Variants in AIM2 observed in about 807,000 individuals in gnomAD.
AIM2 encodes the protein absent in melanoma 2, also known as interferon-inducible protein AIM2.
AIM2 carries 30 observed loss-of-function variants against 27.7 expected under a neutral mutation model. The ratio of observed to expected loss-of-function variants is 1.08; its 90% confidence interval spans 0.81 to 1.47. The LOEUF (loss-of-function observed/expected upper bound fraction) is 1.47. AIM2 is among the 40% of genes most tolerant of loss of function. The pLI, the probability that AIM2 is intolerant of heterozygous loss-of-function variation, is 0.00. For missense variants in AIM2, 358 were observed against 411.3 expected (o/e 0.87, Z 1.12); for synonymous variants, 141 against 145.3 (o/e 0.97, Z 0.21).
At chr1:159,060,349 T>TA (rs905468994), downstream of AIM2, among the ~76,000 whole-genome samples, 71 of 151,664 alleles carry the variant, frequency 4.7e-4, no homozygotes, top group African/African-American at 1.5e-3. Flanking sequence ...TCCAGAGAAA[T>TA]AAAAAAAAAT....
chr1:159,127,572 C>A lies in AIM2; in HGVS notation c.-16+12859G>T, dbSNP rs554411508. Among the ~76,000 whole-genome samples, 5 of 152,356 alleles carry A rather than the reference C, an allele frequency of 3.3e-5. No individual in the cohort carries two copies. In the South Asian group the frequency reaches 8.3e-4, roughly 25 times the overall value. On this transcript the variant is annotated intron_variant, in intron 1 of 2. Transcript: ENST00000368129. ...AGCAAGAAAGAATACCTTGGTGAAG[C>A]TGATCAGAAATGTAATCTATGACGC...
intron 1 of AIM2, among the ~76,000 whole-genome samples, chr1:159,099,699 C>T (rs1366449229): frequency 6.6e-6 from 1 of 151,900 alleles, no homozygotes; most frequent in Non-Finnish European, 1.5e-5. Flanking sequence ...TAGAGAATGC[C>T]CTACAGCTCT....
At chr1:159,087,523 T>G (rs1656945393) in intron 1 of AIM2, among the ~76,000 whole-genome samples, 1 of 152,070 alleles carries the variant, frequency 6.6e-6, no homozygotes, top group Non-Finnish European at 1.5e-5. Flanking sequence ...TGATGCCATC[T>G]GTGTGTTATA....
chr1:159,119,788 G>A (rs1647481768), intron 1 of AIM2, among the ~76,000 whole-genome samples: 1 of 152,008 alleles, frequency 6.6e-6, no homozygotes, highest in Non-Finnish European at 1.5e-5. Context: ...GTGTGTGTGT[G>A]CATGTGTTTG....
At chr1:159,086,473 C>T (rs1656914001) in intron 1 of AIM2, among the ~76,000 whole-genome samples, 1 of 152,226 alleles carries the variant, frequency 6.6e-6, no homozygotes, top group Non-Finnish European at 1.5e-5. Context: ...CACTAGGCTC[C>T]AGGTGAATCT....
the AIM2 span, among the ~76,000 whole-genome samples, chr1:159,056,852 A>T: frequency 6.6e-5 from 10 of 151,532 alleles, no homozygotes; most frequent in African/African-American, 2.4e-4. Context: ...TGGAGGATGC[A>T]TCTGACGGGA....
intron 1 of AIM2, among the ~76,000 whole-genome samples, chr1:159,103,101 G>T (rs1657350830): frequency 1.3e-5 from 2 of 152,136 alleles, no homozygotes; most frequent in African/African-American, 4.8e-5. Context: ...TTGGATCATG[G>T]GAGTTGTTTC....
intron 1 of AIM2, among the ~76,000 whole-genome samples, chr1:159,091,334 C>T (rs548120556): frequency 6.6e-6 from 1 of 152,320 alleles, no homozygotes; most frequent in East Asian, 1.9e-4. Flanking sequence ...ATTACAACCA[C>T]TGAAAAAATG....
chr1:159,144,319 C>T (rs903213698), upstream of AIM2, among the ~76,000 whole-genome samples: 3 of 152,130 alleles, frequency 2.0e-5, no homozygotes, highest in South Asian at 2.1e-4. Flanking sequence ...TAATGTATAT[C>T]AACAAAAGTA....
At chr1:159,065,204 T>C (rs1342210848) in intron 4 of AIM2, among the ~76,000 whole-genome samples, 2 of 152,148 alleles carry the variant, frequency 1.3e-5, no homozygotes, top group Non-Finnish European at 2.9e-5. Context: ...ACAAGGCTAG[T>C]TCCCTGAGGC....
chr1:159,105,249 C>T (rs572807937), intron 1 of AIM2, among the ~76,000 whole-genome samples: 12 of 152,224 alleles, frequency 7.9e-5, no homozygotes, highest in African/African-American at 2.2e-4. Flanking sequence ...CTGGACCAGA[C>T]GTACTGCAAC....
At chr1:159,056,731 A>AAAC in the AIM2 span, among the ~76,000 whole-genome samples, 6 of 143,274 alleles carry the variant, frequency 4.2e-5, 1 homozygote, top group Admixed American at 1.4e-4. Context: ...AAAAAAAAAA[A>AAAC]AAAAAAAAAA....
intron 1 of AIM2, among the ~76,000 whole-genome samples, chr1:159,093,045 A>AAAT (rs1014382413): frequency 1.1e-3 from 158 of 150,236 alleles, no homozygotes; most frequent in African/African-American, 3.7e-3. Context: ...AAATAAAAAT[A>AAAT]AATAAATAAA....
At chr1:159,099,798 T>A (rs1026210553) in intron 1 of AIM2, among the ~76,000 whole-genome samples, 1 of 152,180 alleles carries the variant, frequency 6.6e-6, no homozygotes, top group Non-Finnish European at 1.5e-5. Flanking sequence ...AAGATCAGTC[T>A]AAGACAACGG....
intron 1 of AIM2, among the ~76,000 whole-genome samples, chr1:159,075,174 G>A (rs2101990342): frequency 6.6e-6 from 1 of 152,212 alleles, no homozygotes; most frequent in East Asian, 1.9e-4. Context: ...AATCAAAGTG[G>A]CATTAAAAAT....
chr1:159,063,631 T>C lies in AIM2; in HGVS notation c.860A>G (p.Asn287Ser). 3 of 1,614,120 alleles carry C rather than the reference T, an allele frequency of 1.9e-6. No homozygotes were observed. Among genetic ancestry groups the C allele is most frequent in the Non-Finnish European group, 2.5e-6 (3 of 1,179,990 alleles). Reference sequence around the variant, plus strand: ...CCCCAGTACTTCCATTTTCCCAGTGTTGTCACTTAGGTCAAATAATATGTT... The same window carrying C: ...CCCCAGTACTTCCATTTTCCCAGTGCTGTCACTTAGGTCAAATAATATGTT... ...KKNILFDLSD[N>S]TGKMEVLGVR... is the part of the protein sequence containing the mutation. The change falls in exon 5 of 6, where the codon AAC becomes AGC. Residue 287 changes from asparagine (N) to serine (S), a missense_variant. Asn to Ser is a conservative substitution (Grantham distance 46). Transcript: ENST00000368130.
intron 1 of AIM2, among the ~76,000 whole-genome samples, chr1:159,127,785 G>A (rs1292176221): frequency 6.6e-6 from 1 of 152,132 alleles, no homozygotes; most frequent in African/African-American, 2.4e-5. Flanking sequence ...CCCAAGGCTG[G>A]ATTTCTCATA....
chr1:159,119,003 T>A (rs925614805), intron 1 of AIM2, among the ~76,000 whole-genome samples: 5 of 152,178 alleles, frequency 3.3e-5, no homozygotes, highest in African/African-American at 1.2e-4. Flanking sequence ...TGGTGTGCTT[T>A]GTTCCAGTCC....
chr1:159,145,936 T>C (rs1440548240), intron 1 of AIM2, among the ~76,000 whole-genome samples: 1 of 152,006 alleles, frequency 6.6e-6, no homozygotes, highest in Non-Finnish European at 1.5e-5. Context: ...TGAAACCCCA[T>C]CTCTACTAAA....
Sources: gnomAD v4.1 joint callset for allele counts (sites outside exome capture counted in the v4.1 genomes callset) on GRCh38, gnomAD v4.1.1 for gene constraint, MANE v1.5 for transcripts, NCBI Gene and HGNC (gene_info 2026-07-23, HGNC 2026-07-21) for gene names.